Variants in KIF25 observed in about 807,000 individuals in gnomAD.
KIF25 encodes kinesin-like protein KIF25.
KIF25 carries 19 observed loss-of-function variants against 32.9 expected under a neutral mutation model. That is an observed-to-expected ratio of 0.58 (90% CI 0.40 to 0.85). The LOEUF is 0.85. Among genes scored for constraint, KIF25 ranks in the 40% least tolerant of loss-of-function variants. The pLI, the probability that KIF25 is intolerant of heterozygous loss-of-function variation, is 0.00. For missense variants in KIF25, 485 were observed against 507.0 expected, an observed-to-expected ratio of 0.96 and a Z score of 0.42; for synonymous variants, 225 against 213.7, an observed-to-expected ratio of 1.05 and a Z score of -0.46.
intron 11 of KIF25, 47 bp from the exon 12 acceptor site, chr6:168,042,514 C>A: frequency 6.3e-7 from 1 of 1,580,668 alleles, no homozygotes; most frequent in Non-Finnish European, 8.6e-7. Flanking sequence ...CTTTTCCTGC[C>A]TCCTTTCTTG....
intron 4 of KIF25, among the ~76,000 whole-genome samples, chr6:168,005,913 C>A (rs1798573626): frequency 1.3e-5 from 2 of 152,196 alleles, no homozygotes; most frequent in South Asian, 2.1e-4. Context: ...CTTTAATCCG[C>A]TGATCAAGTT....
At position 168,041,998 on chromosome 6, in the gene KIF25, A is replaced by T. The variant is rs1225078543; in HGVS notation, c.676A>T (p.Arg226Trp). 2.1e-5 allele frequency: 33 copies of T among 1,551,918 alleles called. No homozygotes were observed. Among genetic ancestry groups the T allele is most frequent in the Non-Finnish European group, 2.6e-5 (30 of 1,147,294 alleles). ...ADQACSATLP[R>W]EQTEAGRAGR... is the part of the protein sequence containing the mutation. ...CCAAGCCTGCAGTGCCACCCTCCCC[A>T]GGGAGCAAACAGAGGCAGGAAGGGC... is the stretch of plus-strand genomic sequence containing the variant. The change falls in exon 11 of 13, where the codon AGG (arginine) becomes TGG (tryptophan). Residue 226 changes from arginine to tryptophan, a missense_variant. Around this residue, in one of 2 missense-constraint regions of KIF25, gnomAD observed 480 missense variants for 470.3 expected, o/e 1.02. Transcript: ENST00000643607.
chr6:168,032,533 C>T lies in KIF25; in HGVS notation c.168-1349C>T, dbSNP rs1480452897. 3.9e-5 allele frequency among the ~76,000 whole-genome samples: 6 copies of T among 152,158 alleles called. No homozygotes were observed. The South Asian group carries it at 8.3e-4, about 21-fold the overall frequency. ...TAACGCAGAGGCCTGATCAGCTTGG[C>T]GGGAGCTTGTGGTTTCCAGGCTCTT... On this transcript the variant is annotated intron_variant, in intron 7 of 12. Coordinates refer to ENST00000643607, the MANE Select transcript of KIF25 (RefSeq NM_030615.4).
chr6:168,000,603 C>A (rs1386497633), intron 2 of KIF25, among the ~76,000 whole-genome samples: 2 of 145,320 alleles, frequency 1.4e-5, no homozygotes, highest in Non-Finnish European at 3.0e-5. Context: ...ACCTTCTCAC[C>A]CTCCCTCCAT....
chr6:168,034,831 A>G (rs1562390310), intron 8 of KIF25, among the ~76,000 whole-genome samples: 1 of 152,128 alleles, frequency 6.6e-6, no homozygotes, highest in Non-Finnish European at 1.5e-5. Context: ...TTTCACCAAC[A>G]TAGTTAGTTC....
intron 7 of KIF25, 125 bp downstream of exon 7, chr6:168,030,972 C>A: frequency 1.5e-6 from 1 of 672,822 alleles, no homozygotes; most frequent in Non-Finnish European, 2.5e-6. Flanking sequence ...CAGAGCATGC[C>A]CATGGGTCAC....
chr6:168,038,491 G>T (rs368990891), intron 8 of KIF25, 62 bp from the exon 9 acceptor site: 2 of 1,558,750 alleles, frequency 1.3e-6, no homozygotes, highest in Admixed American at 1.7e-5. Flanking sequence ...GCTATGATTG[G>T]CTTACACTGA....
intron 10 of KIF25, among the ~76,000 whole-genome samples, chr6:168,041,357 C>A (rs1562392626): frequency 6.6e-6 from 1 of 152,224 alleles, no homozygotes; most frequent in Non-Finnish European, 1.5e-5. Flanking sequence ...TGGAAAGGCA[C>A]AGGCGTGTGA....
chr6:168,042,771 G>A (rs1188544009), intron 12 of KIF25, 55 bp downstream of exon 12: 2 of 1,560,402 alleles, frequency 1.3e-6, no homozygotes, highest in Non-Finnish European at 1.7e-6. Flanking sequence ...CCCAGGACAT[G>A]TGCACACACT....
chr6:168,045,057 G>A lies in KIF25; in HGVS notation c.*61G>A. On this transcript the variant is annotated 3_prime_UTR_variant, in exon 13 of 13. Coordinates refer to ENST00000643607, the MANE Select transcript of KIF25 (RefSeq NM_030615.4). The stretch of plus-strand genomic sequence containing the variant: ...CTTGTCCTTGCTTTATAATGCATAT[G>A]TGCTTAGAAATAAACAGGTTTCACG... The A allele has an allele frequency of 1.4e-6, 2 of 1,480,456 alleles. No homozygotes were observed. The highest frequency in any genetic ancestry group is 1.3e-5 in the South Asian group (1 of 77,138). 91.7% of individuals were successfully genotyped at this position (1,480,456 alleles called of 1,614,324 possible). A position where few individuals can be genotyped will look rare whatever the true frequency, so the allele number is the denominator to read the frequency against.
At chr6:168,037,191 A>T (rs1799037014) in intron 8 of KIF25, among the ~76,000 whole-genome samples, 1 of 152,234 alleles carries the variant, frequency 6.6e-6, no homozygotes, top group Admixed American at 6.5e-5. Flanking sequence ...CCAAATCTTG[A>T]TGCTTTGCCA....
At chr6:168,009,080 C>A (rs1158962666) in intron 4 of KIF25, among the ~76,000 whole-genome samples, 2 of 151,974 alleles carry the variant, frequency 1.3e-5, no homozygotes, top group East Asian at 3.9e-4. Context: ...CTTTCTTTTG[C>A]CTAATTGCTA....
intron 4 of KIF25, among the ~76,000 whole-genome samples, chr6:168,017,254 C>T (rs1246846814): frequency 2.0e-5 from 3 of 152,206 alleles, no homozygotes; most frequent in Non-Finnish European, 2.9e-5. Flanking sequence ...TCCTAGCATC[C>T]GCTAAACACT....
intron 4 of KIF25, among the ~76,000 whole-genome samples, chr6:168,007,411 CAAAACA>C (rs1256763753): frequency 6.6e-6 from 1 of 151,938 alleles, no homozygotes; most frequent in Non-Finnish European, 1.5e-5. Flanking sequence ...GACTCCATCT[CAAAACA>C]AAAACAAAAA....
chr6:168,006,655 A>G (rs1255497140), intron 4 of KIF25, among the ~76,000 whole-genome samples: 2 of 152,242 alleles, frequency 1.3e-5, no homozygotes, highest in Admixed American at 1.3e-4. Flanking sequence ...TTTAGAAAGC[A>G]CATGAAATGC....
intron 10 of KIF25, among the ~76,000 whole-genome samples, chr6:168,041,292 C>A (rs1000517887): frequency 3.9e-5 from 6 of 152,196 alleles, no homozygotes; most frequent in African/African-American, 1.4e-4. Flanking sequence ...GACAATAGCC[C>A]CTGGCCAGCC....
chr6:168,033,223 G>A (rs535100367), intron 7 of KIF25, among the ~76,000 whole-genome samples: 40 of 152,220 alleles, frequency 2.6e-4, no homozygotes, highest in Admixed American at 2.2e-3. Context: ...TGAAACATAC[G>A]CAAAAATGGC....
intron 5 of KIF25, among the ~76,000 whole-genome samples, chr6:168,023,656 C>A (rs369316606): frequency 5.9e-5 from 9 of 152,332 alleles, no homozygotes; most frequent in Non-Finnish European, 1.2e-4. Context: ...TCCGCCTCAG[C>A]CTCCCAAGGG....
intron 4 of KIF25, among the ~76,000 whole-genome samples, chr6:168,013,332 G>C (rs767528336): frequency 3.9e-5 from 6 of 152,070 alleles, no homozygotes; most frequent in Admixed American, 3.3e-4. Flanking sequence ...TCCCTGCTGT[G>C]CAAGGCCGGA....
Sources: allele counts gnomAD v4.1 joint callset (sites outside exome capture counted in the v4.1 genomes callset), GRCh38; gene constraint gnomAD v4.1.1; regional missense constraint gnomAD v4.1.1; transcripts MANE v1.5; gene names NCBI Gene and HGNC (gene_info 2026-07-23, HGNC 2026-07-21).